Variants in FCGRT observed in about 807,000 individuals in gnomAD.
The protein encoded by FCGRT is Fc gamma receptor and transporter.
Under a neutral mutation model 35.7 loss-of-function variants are expected in FCGRT, and 13 were observed. The ratio of observed to expected loss-of-function variants is 0.36; its 90% CI spans 0.24 to 0.58. The LOEUF (loss-of-function observed/expected upper bound fraction) is 0.58. Among genes scored for constraint, FCGRT ranks in the 20% least tolerant of loss-of-function variants. The pLI is 0.77. For missense variants in FCGRT, 455 were observed against 474.9 expected (o/e 0.96, Z 0.39); for synonymous variants, 233 against 216.5 (o/e 1.08, Z -0.67).
chr19:49,519,150 A>AT (rs574993196), intron 4 of FCGRT, among the ~76,000 whole-genome samples: 155 of 152,148 alleles, frequency 1.0e-3, no homozygotes, highest in Non-Finnish European at 1.8e-3. Flanking sequence ...CCGGATTCCA[A>AT]TTTTTTACCA....
chr19:49,514,763 G>A (rs1486268631), intron 4 of FCGRT, among the ~76,000 whole-genome samples: 3 of 148,884 alleles, frequency 2.0e-5, no homozygotes, highest in East Asian at 2.0e-4. Flanking sequence ...GCGCGATCTC[G>A]GCTCACCACA....
chr19:49,516,163 T>C, intron 4 of FCGRT: 1 of 454,838 alleles, frequency 2.2e-6, no homozygotes, highest in Non-Finnish European at 4.4e-6. Flanking sequence ...AGATATTCAT[T>C]CCAAGTGCCA....
At position 49,523,356 on chromosome 19, in the gene FCGRT, C is replaced by G. The variant is rs1182274096; in HGVS notation, c.602-1151C>G. On this transcript the variant is annotated intron_variant, in intron 4 of 6. Transcript: ENST00000221466. ...GGCTGAGGCAGGTAGATCACAATGTCAGGAATTTGAGACCAGCCTGGCCAA... is the reference window on the plus strand; with the variant it reads ...GGCTGAGGCAGGTAGATCACAATGTGAGGAATTTGAGACCAGCCTGGCCAA... Among the ~76,000 whole-genome samples the G allele has an allele frequency of 2.0e-5, 3 of 151,956 alleles. No homozygotes were observed. The East Asian group carries it at 5.8e-4, about 30-fold the overall frequency.
chr19:49,514,817 C>T (rs1384347599), intron 4 of FCGRT, among the ~76,000 whole-genome samples: 5 of 151,818 alleles, frequency 3.3e-5, no homozygotes, highest in Middle Eastern at 3.4e-3. Flanking sequence ...CTCAGCCTCC[C>T]GAGTGGCTGG....
intron 4 of FCGRT, among the ~76,000 whole-genome samples, chr19:49,519,285 AT>A (rs2080026952): frequency 7.1e-6 from 1 of 141,304 alleles, no homozygotes; most frequent in Admixed American, 7.1e-5. Context: ...TTTTTTTTCT[AT>A]CGTGGATTAT....
chr19:49,519,239 A>T (rs191395576), intron 4 of FCGRT, among the ~76,000 whole-genome samples: 1 of 151,476 alleles, frequency 6.6e-6, no homozygotes, highest in Non-Finnish European at 1.5e-5. Flanking sequence ...ACAAAGCAAA[A>T]GTTTTTAACT....
At chr19:49,513,655 T>C in intron 2 of FCGRT, 182 bp downstream of exon 2, 1 of 464,076 alleles carries the variant, frequency 2.2e-6, no homozygotes, top group Non-Finnish European at 3.7e-6. Context: ...CTGTCGCCTC[T>C]TGTGTCTGTT....
chr19:49,521,293 C>A (rs143785454), intron 4 of FCGRT: 1 of 152,072 alleles, frequency 6.6e-6, no homozygotes, highest in Non-Finnish European at 1.5e-5. Flanking sequence ...TGGGCTTGGC[C>A]GGGCACAGTG....
At chr19:49,513,181 C>T in intron 1 of FCGRT, 1 of 365,994 alleles carries the variant, frequency 2.7e-6, no homozygotes, top group Non-Finnish European at 4.9e-6. Flanking sequence ...GGACTCTCAG[C>T]CTATCAAGTG....
chr19:49,512,978 T>TG (rs1230725214), intron 1 of FCGRT, among the ~76,000 whole-genome samples: 1 of 47,430 alleles, frequency 2.1e-5, no homozygotes, highest in Non-Finnish European at 4.2e-5. Context: ...GAGGAGGGGT[T>TG]GGGGGCCCGG....
intron 4 of FCGRT, among the ~76,000 whole-genome samples, chr19:49,516,682 G>A (rs1194147746): frequency 4.6e-5 from 7 of 151,790 alleles, no homozygotes; most frequent in African/African-American, 9.7e-5. Context: ...TCAGCCTCCC[G>A]AGTAGCTGGG....
chr19:49,514,432 C>T lies in FCGRT; in HGVS notation c.547C>T (p.Pro183Ser), dbSNP rs373482955. 34 of 1,587,420 alleles carry T rather than the reference C, an allele frequency of 2.1e-5. No homozygotes were observed. In the African/African-American group the frequency reaches 4.2e-4, roughly 19 times the overall value. ...GCTCACCTTCCTGCTATTCTCCTGC[C>T]CGCACCGCCTGCGGGAGCACCTGGA... Reference protein sequence around the residue: ...KELTFLLFSCPHRLREHLERG... With the variant: ...KELTFLLFSCSHRLREHLERG... Residue 183 changes from proline to serine, a missense_variant, in exon 4 of 7, where the codon CCG (proline) becomes TCG (serine). By Grantham distance (74) the Pro-to-Ser change is moderately conservative. This residue lies in a region of FCGRT where 312 missense variants were observed against 296.1 expected (regional missense o/e 1.05). Coordinates refer to ENST00000221466, the MANE Select transcript of FCGRT (RefSeq NM_001136019.3).
At chr19:49,518,156 G>A (rs2080019622) in intron 4 of FCGRT, among the ~76,000 whole-genome samples, 1 of 152,016 alleles carries the variant, frequency 6.6e-6, no homozygotes, top group Non-Finnish European at 1.5e-5. Flanking sequence ...ACTCTACTAG[G>A]TAAGGGCATT....
Position 49,526,007 on chromosome 19 carries a change from C to A in FCGRT, c.989-3C>A. 6.3e-7 allele frequency: 1 copy of A among 1,592,200 alleles called. No individual in the cohort carries two copies. Among genetic ancestry groups the A allele is most frequent in the Non-Finnish European group, 8.6e-7 (1 of 1,160,564 alleles). ...TGACCTCTCCCTCTCTCTCTCTCCT[C>A]AGCCCCTTGGATCTCCCTTCGTGGA... is the stretch of plus-strand genomic sequence containing the variant. On this transcript the variant is annotated splice_region_variant and splice_polypyrimidine_tract_variant and intron_variant, in intron 6 of 6. Coordinates refer to ENST00000221466, the MANE Select transcript of FCGRT (RefSeq NM_001136019.3).
chr19:49,525,257 G>A, intron 5 of FCGRT, 200 bp from the exon 6 acceptor site: 1 of 579,058 alleles, frequency 1.7e-6, no homozygotes, highest in African/African-American at 1.9e-5. Flanking sequence ...TGTGACCGCG[G>A]CCGCTCGTGC....
At chr19:49,517,102 G>T (rs950517500) in intron 4 of FCGRT, among the ~76,000 whole-genome samples, 1 of 152,062 alleles carries the variant, frequency 6.6e-6, no homozygotes, top group Non-Finnish European at 1.5e-5. Flanking sequence ...ATGGCAGGAG[G>T]ATCGCTTGAG....
At chr19:49,523,273 A>C (rs1444854464) in intron 4 of FCGRT, among the ~76,000 whole-genome samples, 1 of 152,158 alleles carries the variant, frequency 6.6e-6, no homozygotes, top group African/African-American at 2.4e-5. Context: ...ACTATGGATT[A>C]AAAATTTTAA....
At chr19:49,523,494 G>T (rs1012269390) in intron 4 of FCGRT, among the ~76,000 whole-genome samples, 1 of 152,124 alleles carries the variant, frequency 6.6e-6, no homozygotes, top group Non-Finnish European at 1.5e-5. Context: ...CTTGAACCCA[G>T]GAAGTGGGGG....
chr19:49,524,366 T>G (rs2080059903), intron 4 of FCGRT, 141 bp from the exon 5 acceptor site: 1 of 923,124 alleles, frequency 1.1e-6, no homozygotes, highest in African/African-American at 1.6e-5. Context: ...CTCTGTCACC[T>G]AGGAAGTGCC....
Sources: allele counts gnomAD v4.1 joint callset (sites outside exome capture counted in the v4.1 genomes callset), GRCh38; gene constraint gnomAD v4.1.1; regional missense constraint gnomAD v4.1.1; transcripts MANE v1.5; gene names NCBI Gene and HGNC (gene_info 2026-07-23, HGNC 2026-07-21).